The following DNAJC10 variants were observed in gnomAD, a reference collection of about 807,000 sequenced individuals.
DNAJC10 encodes endoplasmic reticulum disulfide reductase DNAJC10.
Under a neutral mutation model 115.0 loss-of-function variants are expected in DNAJC10, and 101 were observed. The ratio of observed to expected loss-of-function variants is 0.88; its 90% CI spans 0.75 to 1.04. The LOEUF (loss-of-function observed/expected upper bound fraction) is 1.04. Ranked by LOEUF, DNAJC10 falls within the 50% of genes least tolerant of loss-of-function variation. The probability of loss-of-function intolerance (pLI) is 0.00; values close to 1 mark genes in which losing one functional copy is unlikely to be tolerated. For synonymous variants in DNAJC10, 307 were observed against 301.5 expected (o/e 1.02, Z -0.19); for missense variants, 981 against 928.8 (o/e 1.06, Z -0.73).
At chr2:182,772,241 A>G (rs1264422938) in intron 22 of DNAJC10, among the ~76,000 whole-genome samples, 7 of 152,156 alleles carry the variant, frequency 4.6e-5, no homozygotes, top group African/African-American at 1.7e-4. Context: ...GCTTCCAATT[A>G]TGTTGTCAAT....
chr2:182,724,037 G>A (rs1255936093), intron 5 of DNAJC10, among the ~76,000 whole-genome samples: 4 of 152,154 alleles, frequency 2.6e-5, no homozygotes, highest in Non-Finnish European at 5.9e-5. Context: ...ACAAGCAAAT[G>A]CCTTCTAAGC....
intron 22 of DNAJC10, among the ~76,000 whole-genome samples, chr2:182,769,794 C>A (rs1401535637): frequency 6.6e-6 from 1 of 152,076 alleles, no homozygotes; most frequent in African/African-American, 2.4e-5. Context: ...ATGATAGTTT[C>A]TTTTGCTGTG....
intron 22 of DNAJC10, among the ~76,000 whole-genome samples, chr2:182,764,706 A>G (rs1402214557): frequency 6.6e-6 from 1 of 152,196 alleles, no homozygotes; most frequent in African/African-American, 2.4e-5. Context: ...CTATGTCGGT[A>G]ACATTATTAT....
chr2:182,746,253 G>T (rs1693863068), intron 14 of DNAJC10, among the ~76,000 whole-genome samples: 1 of 152,192 alleles, frequency 6.6e-6, no homozygotes, highest in Non-Finnish European at 1.5e-5. Context: ...TATATACCCA[G>T]TAATGGGATG....
chr2:182,750,847 A>T (rs575526514), intron 14 of DNAJC10, among the ~76,000 whole-genome samples: 1 of 152,146 alleles, frequency 6.6e-6, no homozygotes, highest in Non-Finnish European at 1.5e-5. Context: ...GCTCCATTAT[A>T]ATCTTATGGG....
chr2:182,747,162 T>C (rs1693889123), intron 14 of DNAJC10, among the ~76,000 whole-genome samples: 2 of 150,684 alleles, frequency 1.3e-5, no homozygotes, highest in Admixed American at 1.3e-4. Flanking sequence ...AGTCAGGTAG[T>C]GTGATGCCTC....
At chr2:182,774,471 C>G (rs912771369) in intron 22 of DNAJC10, among the ~76,000 whole-genome samples, 1 of 152,120 alleles carries the variant, frequency 6.6e-6, no homozygotes. Context: ...ATTCTAGAGG[C>G]TGAAGGCCTT....
chr2:182,762,569 A>T, intron 21 of DNAJC10, 113 bp from the exon 22 acceptor site: 2 of 1,131,134 alleles, frequency 1.8e-6, no homozygotes, highest in Non-Finnish European at 2.5e-6. Flanking sequence ...AGGAAGAATT[A>T]AAGTTTTTTA....
At chr2:182,747,049 G>A (rs1438848345) in intron 14 of DNAJC10, among the ~76,000 whole-genome samples, 8 of 152,038 alleles carry the variant, frequency 5.3e-5, no homozygotes, top group South Asian at 2.1e-4. Context: ...GTATATATGC[G>A]GCGTTATTTC....
intron 22 of DNAJC10, among the ~76,000 whole-genome samples, chr2:182,775,071 CTTTT>C (rs5836849): frequency 2.3e-5 from 3 of 129,356 alleles, no homozygotes; most frequent in South Asian, 2.4e-4. Flanking sequence ...GTCAGTGATG[CTTTT>C]TTTTTTTTTT....
chr2:182,719,753 G>C (rs1397973363), intron 3 of DNAJC10, among the ~76,000 whole-genome samples: 1 of 148,628 alleles, frequency 6.7e-6, no homozygotes, highest in Non-Finnish European at 1.5e-5. Context: ...GTCTGATAAC[G>C]TCTGTCAACC....
At chr2:182,739,773 A>G (rs182771336) in intron 11 of DNAJC10, 1 of 999,808 alleles carries the variant, frequency 1.0e-6, no homozygotes, top group South Asian at 4.3e-5. Context: ...AACCTCTATA[A>G]TGAGCAAAAG....
chr2:182,758,230 G>A (rs1015624106), intron 19 of DNAJC10, among the ~76,000 whole-genome samples: 2 of 152,132 alleles, frequency 1.3e-5, no homozygotes, highest in Admixed American at 6.5e-5. Flanking sequence ...AGGTCTAGGA[G>A]TTATCTAAGG....
At chr2:182,729,115 C>G in intron 7 of DNAJC10, 121 bp downstream of exon 7, 1 of 976,662 alleles carries the variant, frequency 1.0e-6, no homozygotes, top group South Asian at 1.6e-5. Context: ...AAGGTGCCAT[C>G]TCACTAGTCT....
In DNAJC10 at chr2:182,787,451, A is replaced by C. The variant is rs1233642658; in HGVS notation, c.*10319A>C. The C allele has an allele frequency of 1.3e-5, 2 of 152,230 alleles. No individual in the cohort carries two copies. The highest frequency in any genetic ancestry group is 4.8e-5 in the African/African-American group (2 of 41,466). The allele number at this position is 152,230 out of a possible 1,614,324, so 9.4% of individuals were successfully genotyped here. A position where few individuals can be genotyped will look rare whatever the true frequency, so the allele number is the denominator to read the frequency against. On this transcript the variant is annotated 3_prime_UTR_variant, in exon 24 of 24. Transcript: ENST00000264065. The stretch of plus-strand genomic sequence containing the variant: ...TATACAAACCCGTAATGTACTACCA[A>C]ACCGTTCATTCATTATGACAAAACT...
In DNAJC10 at chr2:182,793,241, AGAT is replaced by A. The variant is rs1695084325; in HGVS notation, c.*16112_*16114del. 6.6e-6 allele frequency: 1 copy of A among 152,412 alleles called. No individual in the cohort carries two copies. Among genetic ancestry groups the A allele is most frequent in the Non-Finnish European group, 1.5e-5 (1 of 68,268 alleles). 9.4% of individuals were successfully genotyped at this position (152,412 alleles called of 1,614,324 possible). ...GAATGGAGTGAGCTAGCAGGAGAGA[AGAT>A]GAAGTTAGAGGGAGAGAGAAAGTGG... On this transcript the variant is annotated 3_prime_UTR_variant, in exon 24 of 24. Transcript: ENST00000264065.
At chr2:182,749,934 C>G (rs1406945967) in intron 14 of DNAJC10, among the ~76,000 whole-genome samples, 1 of 152,184 alleles carries the variant, frequency 6.6e-6, no homozygotes, top group African/African-American at 2.4e-5. Context: ...GGTCTGGTTC[C>G]AAGCTTACTT....
chr2:182,737,979 A>G (rs189931651), intron 11 of DNAJC10, among the ~76,000 whole-genome samples: 2 of 152,184 alleles, frequency 1.3e-5, no homozygotes, highest in Admixed American at 1.3e-4. Flanking sequence ...TCTATTTTGT[A>G]ATCTAGTTTT....
chr2:182,753,909 C>A (rs982018280), intron 16 of DNAJC10, among the ~76,000 whole-genome samples: 1 of 152,046 alleles, frequency 6.6e-6, no homozygotes. Flanking sequence ...TACTTTTCAT[C>A]TTAGCTCATT....
Sources: allele counts gnomAD v4.1 joint callset (sites outside exome capture counted in the v4.1 genomes callset), GRCh38; gene constraint gnomAD v4.1.1; transcripts MANE v1.5; gene names NCBI Gene and HGNC (gene_info 2026-07-23, HGNC 2026-07-21).